PAK1: variants seen among roughly 807,000 people sequenced by gnomAD.
PAK1 encodes the protein p21 (RAC1) activated kinase 1.
PAK1 carries 29 observed loss-of-function variants against 67.4 expected under a neutral mutation model. The observed-to-expected ratio is 0.43, with a 90% confidence interval of 0.32 to 0.59. PAK1 has a LOEUF of 0.59. PAK1 is among the 20% of genes least tolerant of loss of function. The pLI is 0.07. For synonymous variants in PAK1, 223 were observed against 237.4 expected (o/e 0.94, Z 0.56); for missense variants, 337 against 670.7 (o/e 0.50, Z 5.50).
chr11:77,498,194 T>C, the PAK1 span, among the ~76,000 whole-genome samples: 1 of 152,198 alleles, frequency 6.6e-6, no homozygotes, highest in Non-Finnish European at 1.5e-5. Flanking sequence ...CTTTAACAAA[T>C]GTACCATGGT....
At chr11:77,369,998 TGAA>T (rs1398531639) in intron 5 of PAK1, among the ~76,000 whole-genome samples, 1 of 152,198 alleles carries the variant, frequency 6.6e-6, no homozygotes, top group Non-Finnish European at 1.5e-5. Flanking sequence ...TATTTATAAG[TGAA>T]GGATAGATTA....
upstream of PAK1, among the ~76,000 whole-genome samples, chr11:77,477,225 C>T (rs1276017560): frequency 2.6e-5 from 4 of 152,130 alleles, no homozygotes; most frequent in East Asian, 3.9e-4. Context: ...CCTCACTTAA[C>T]GCCATCAATG....
At chr11:77,436,573 T>G (rs1393741282) in intron 1 of PAK1, among the ~76,000 whole-genome samples, 1 of 152,250 alleles carries the variant, frequency 6.6e-6, no homozygotes, top group African/African-American at 2.4e-5. Flanking sequence ...GCTGGAATAC[T>G]GTGAACAAAA....
At chr11:77,348,921 C>A (rs1374469715) in intron 9 of PAK1, among the ~76,000 whole-genome samples, 2 of 152,016 alleles carry the variant, frequency 1.3e-5, no homozygotes, top group African/African-American at 4.8e-5. Context: ...GTCAGGAGTT[C>A]GAGAGCAGCC....
At chr11:77,410,708 A>G (rs2138012045) in intron 1 of PAK1, among the ~76,000 whole-genome samples, 1 of 151,906 alleles carries the variant, frequency 6.6e-6, no homozygotes, top group African/African-American at 2.4e-5. Context: ...AGGGGGCAGG[A>G]AAAATGATCA....
At chr11:77,490,534 G>A in the PAK1 span, among the ~76,000 whole-genome samples, 7 of 146,664 alleles carry the variant, frequency 4.8e-5, no homozygotes, top group Middle Eastern at 7.4e-3. Context: ...CCGGCCAGCC[G>A]CCCCGTCTGG....
At chr11:77,349,778 T>A (rs1944974027) in intron 8 of PAK1, among the ~76,000 whole-genome samples, 1 of 151,670 alleles carries the variant, frequency 6.6e-6, no homozygotes, top group African/African-American at 2.4e-5. Flanking sequence ...ATAAAAGGGA[T>A]AAGATTAGAT....
At chr11:77,488,210 G>A in the PAK1 span, among the ~76,000 whole-genome samples, 6 of 152,354 alleles carry the variant, frequency 3.9e-5, no homozygotes, top group East Asian at 1.2e-3. Flanking sequence ...GAGCCATAGT[G>A]TTACTGGGCT....
At chr11:77,444,757 G>A (rs1480219973) in intron 1 of PAK1, among the ~76,000 whole-genome samples, 1 of 152,102 alleles carries the variant, frequency 6.6e-6, no homozygotes, top group East Asian at 1.9e-4. Context: ...TAAAAAAACT[G>A]AAGTTGTCTT....
At chr11:77,440,425 A>G (rs1259313185) in intron 1 of PAK1, among the ~76,000 whole-genome samples, 1 of 152,178 alleles carries the variant, frequency 6.6e-6, no homozygotes, top group Non-Finnish European at 1.5e-5. Flanking sequence ...ACCTACTATA[A>G]GGGCACTTAC....
the PAK1 span, among the ~76,000 whole-genome samples, chr11:77,500,589 T>TA: frequency 5.9e-5 from 9 of 152,174 alleles, no homozygotes; most frequent in African/African-American, 2.2e-4. Flanking sequence ...CTCACACCTG[T>TA]AATCTCAGCA....
intron 8 of PAK1, among the ~76,000 whole-genome samples, chr11:77,350,103 C>T (rs1214518486): frequency 6.6e-6 from 1 of 152,096 alleles, no homozygotes; most frequent in Non-Finnish European, 1.5e-5. Flanking sequence ...AAGTACCCTT[C>T]CCACTCTGAT....
At chr11:77,367,903 C>T (rs868635242) in intron 5 of PAK1, among the ~76,000 whole-genome samples, 2 of 152,190 alleles carry the variant, frequency 1.3e-5, no homozygotes, top group East Asian at 1.9e-4. Context: ...TTGCTTGAAC[C>T]GGGAAGCGGA....
intron 5 of PAK1, among the ~76,000 whole-genome samples, chr11:77,370,511 T>C (rs1948286807): frequency 6.6e-6 from 1 of 152,196 alleles, no homozygotes; most frequent in Non-Finnish European, 1.5e-5. Context: ...GACCCATGAC[T>C]CTTTCCTGCT....
At position 77,392,400 on chromosome 11, in the gene PAK1, G is replaced by A; in HGVS notation, c.121C>T (p.Leu41=). The change falls in exon 2 of 15, where the codon CTG becomes TTG. Residue 41 remains leucine, a synonymous_variant. Transcript: ENST00000356341. The part of the protein sequence containing the change: ...AGTLNHGSKP[L]PPNPEEKKKK... ...TTCTTCTCCTCTGGGTTTGGAGGCA[G>A]AGGTTTAGAACCATGGTTTAGGGTT... The A allele has an allele frequency of 6.2e-7, 1 of 1,613,406 alleles. No individual in the cohort carries two copies. The highest frequency in any genetic ancestry group is 8.5e-7 in the Non-Finnish European group (1 of 1,179,544).
chr11:77,409,624 T>A (rs1229042566), intron 1 of PAK1, among the ~76,000 whole-genome samples: 1 of 152,058 alleles, frequency 6.6e-6, no homozygotes, highest in African/African-American at 2.4e-5. Context: ...AATAAAATCC[T>A]GTCATTTGCA....
At chr11:77,473,180 C>G (rs1181303329) in intron 1 of PAK1, among the ~76,000 whole-genome samples, 1 of 152,216 alleles carries the variant, frequency 6.6e-6, no homozygotes, top group Admixed American at 6.5e-5. Context: ...CGTAGCGGGA[C>G]AGGGTGAGCG....
intron 10 of PAK1, among the ~76,000 whole-genome samples, chr11:77,342,897 T>TTC (rs1555144196): frequency 1.3e-5 from 2 of 151,606 alleles, no homozygotes; most frequent in African/African-American, 4.9e-5. Context: ...TTTTTTTTTT[T>TTC]TCAGGTATCG....
chr11:77,355,625 G>C, intron 7 of PAK1, 43 bp downstream of exon 7: 3 of 1,516,034 alleles, frequency 2.0e-6, no homozygotes, highest in Non-Finnish European at 2.7e-6. Context: ...TGCTTGACCA[G>C]TCATAAAACG....
Sources: allele counts gnomAD v4.1 joint callset (sites outside exome capture counted in the v4.1 genomes callset), GRCh38; gene constraint gnomAD v4.1.1; transcripts MANE v1.5; gene names NCBI Gene and HGNC (gene_info 2026-07-23, HGNC 2026-07-21).